ELAVL4: variants seen among roughly 807,000 people sequenced by gnomAD.
The protein encoded by ELAVL4 is ELAV like RNA binding protein 4, also known as ELAV-like protein 4.
Under a neutral mutation model 35.6 loss-of-function variants are expected in ELAVL4, and 1 was observed. That is an observed-to-expected ratio of 0.03 (90% CI 0.01 to 0.13). The LOEUF (loss-of-function observed/expected upper bound fraction) is 0.13. ELAVL4 is among the 10% of genes least tolerant of loss of function. The probability of loss-of-function intolerance (pLI) is 1.00; values close to 1 mark genes in which losing one functional copy is unlikely to be tolerated. For synonymous variants in ELAVL4, 156 were observed against 171.0 expected, an observed-to-expected ratio of 0.91 and a Z score of 0.69; for missense variants, 267 against 464.9, an observed-to-expected ratio of 0.57 and a Z score of 3.91.
intron 1 of ELAVL4, among the ~76,000 whole-genome samples, chr1:50,133,944 C>G (rs1671466181): frequency 6.6e-6 from 1 of 152,176 alleles, no homozygotes; most frequent in Non-Finnish European, 1.5e-5. Context: ...ATTGACCTTA[C>G]ACAATTTCTC....
chr1:50,147,216 G>A lies in ELAVL4; in HGVS notation c.250+2019G>A, dbSNP rs543469014. On this transcript the variant is annotated intron_variant, in intron 2 of 6. Coordinates refer to ENST00000371824, the MANE Select transcript of ELAVL4 (RefSeq NM_001144774.3). ...CAGGCCCAAAAAATTTTTATTTGTAGAGAGCTTATGGGAATGAGGCAGGGA... is the reference window on the plus strand; with the variant it reads ...CAGGCCCAAAAAATTTTTATTTGTAAAGAGCTTATGGGAATGAGGCAGGGA... Among the ~76,000 whole-genome samples the A allele has an allele frequency of 2.0e-4, 31 of 152,248 alleles. 1 individual carries two copies. The South Asian group carries it at 6.4e-3, about 32-fold the overall frequency.
intron 6 of ELAVL4, 57 bp downstream of exon 6, chr1:50,197,524 AT>A (rs575024053): frequency 0.046 from 48,651 of 1,050,276 alleles, 8 homozygotes; most frequent in South Asian, 0.058. Flanking sequence ...TGGGGCTAGA[AT>A]TTTTTTTTTT....
intron 3 of ELAVL4, among the ~76,000 whole-genome samples, chr1:50,189,305 C>G (rs79578413): frequency 0.019 from 2,848 of 152,304 alleles, 94 homozygotes; most frequent in African/African-American, 0.063. Flanking sequence ...TGTGTATGAA[C>G]AGGTAAAGGG....
chr1:50,177,162 T>C lies in ELAVL4; in HGVS notation c.324T>C (p.Asn108=), dbSNP rs764480215. 1 of 1,614,044 alleles carries C rather than the reference T, an allele frequency of 6.2e-7. No homozygotes were observed. Among genetic ancestry groups the C allele is most frequent in the Admixed American group, 1.7e-5 (1 of 60,028 alleles). The change falls in exon 3 of 7, where the codon AAT becomes AAC. Residue 108 remains asparagine, a synonymous_variant. Transcript: ENST00000371824. ...KDAEKAINTL[N]GLRLQTKTIK... is the part of the protein sequence containing the mutation. ...CAGAGAAAGCCATCAACACTTTAAA[T>C]GGACTCAGACTCCAGACCAAAACCA...
chr1:50,133,599 A>AAAGAAAG (rs1460308549), intron 1 of ELAVL4, among the ~76,000 whole-genome samples: 92 of 129,258 alleles, frequency 7.1e-4, no homozygotes, highest in Non-Finnish European at 8.7e-4. Flanking sequence ...AGAAAGAAAG[A>AAAGAAAG]AAAGAAAGAA....
chr1:50,166,627 G>A (rs1677970621), intron 2 of ELAVL4, among the ~76,000 whole-genome samples: 1 of 152,150 alleles, frequency 6.6e-6, no homozygotes, highest in African/African-American at 2.4e-5. Flanking sequence ...CATTCCTGAG[G>A]TGTCTGGGCC....
At chr1:50,116,365 G>T (rs1422323752) in intron 1 of ELAVL4, among the ~76,000 whole-genome samples, 1 of 151,616 alleles carries the variant, frequency 6.6e-6, no homozygotes, top group Non-Finnish European at 1.5e-5. Flanking sequence ...AGAAATCATA[G>T]TTACTTTGTC....
rs867833171 is a variant in ELAVL4 at position 50,202,305 on chromosome 1, C to T, written c.*1127C>T. 6.6e-6 allele frequency: 1 copy of T among 152,048 alleles called. No individual in the cohort carries two copies. The highest frequency in any genetic ancestry group is 1.9e-4 in the East Asian group (1 of 5,200). 9.4% of individuals were successfully genotyped at this position (152,048 alleles called of 1,614,324 possible). On this transcript the variant is annotated 3_prime_UTR_variant, in exon 7 of 7. Transcript: ENST00000371824. ...AACAAAAATTAAAAAGATTAATTTTCCTTTTGATCTAAAACTTCCTTAGTT... is the reference window on the plus strand; with the variant it reads ...AACAAAAATTAAAAAGATTAATTTTTCTTTTGATCTAAAACTTCCTTAGTT...
chr1:50,068,525 AG>A (rs531977901), intron 1 of ELAVL4, among the ~76,000 whole-genome samples: 112 of 152,306 alleles, frequency 7.4e-4, no homozygotes, highest in African/African-American at 2.6e-3. Flanking sequence ...TGAACTCCAC[AG>A]GGGCACAGGA....
chr1:50,067,354 A>G (rs1278651934), intron 1 of ELAVL4, among the ~76,000 whole-genome samples: 4 of 152,206 alleles, frequency 2.6e-5, no homozygotes, highest in Non-Finnish European at 5.9e-5. Context: ...ACAAGTAGGG[A>G]ACCATATCAT....
At chr1:50,073,004 T>C (rs926541659) in intron 1 of ELAVL4, among the ~76,000 whole-genome samples, 15 of 152,154 alleles carry the variant, frequency 9.9e-5, no homozygotes, top group African/African-American at 3.4e-4. Flanking sequence ...CAGTTTCACC[T>C]CAGTTAGTAG....
intron 1 of ELAVL4, among the ~76,000 whole-genome samples, chr1:50,098,103 A>C (rs1665794543): frequency 6.6e-6 from 1 of 152,156 alleles, no homozygotes; most frequent in Non-Finnish European, 1.5e-5. Context: ...AATTTTTTGC[A>C]AGCATTCTTA....
At chr1:50,147,286 T>A (rs1266208291) in intron 2 of ELAVL4, among the ~76,000 whole-genome samples, 1 of 152,238 alleles carries the variant, frequency 6.6e-6, no homozygotes, top group African/African-American at 2.4e-5. Context: ...TTGACAGCAG[T>A]GTTTAATAGA....
intron 2 of ELAVL4, among the ~76,000 whole-genome samples, chr1:50,165,669 T>TATG (rs965527177): frequency 6.7e-6 from 1 of 148,436 alleles, no homozygotes; most frequent in Non-Finnish European, 1.5e-5. Context: ...TATATATGTA[T>TATG]ATGTGTGCAT....
intron 3 of ELAVL4, among the ~76,000 whole-genome samples, chr1:50,189,206 A>T (rs979805169): frequency 6.6e-6 from 1 of 152,144 alleles, no homozygotes; most frequent in Non-Finnish European, 1.5e-5. Flanking sequence ...ATTATGGAGG[A>T]CAGACAAGGA....
intron 1 of ELAVL4, among the ~76,000 whole-genome samples, chr1:50,048,435 G>A (rs1663184358): frequency 6.6e-6 from 1 of 152,128 alleles, no homozygotes; most frequent in Admixed American, 6.5e-5. Flanking sequence ...ACCCCTGCCG[G>A]CCTCCTGAGA....
intron 1 of ELAVL4, among the ~76,000 whole-genome samples, chr1:50,053,013 T>C (rs2148469387): frequency 6.6e-6 from 1 of 152,324 alleles, no homozygotes. Flanking sequence ...TTAAATTTTA[T>C]TAGTATAATA....
upstream of ELAVL4, among the ~76,000 whole-genome samples, chr1:50,099,560 C>CAAAAAAAAAAAAAAA (rs750905424): frequency 5.3e-5 from 3 of 56,268 alleles, no homozygotes; most frequent in Non-Finnish European, 7.9e-5. Context: ...AACTCCGCCT[C>CAAAAAAAAAAAAAAA]AAAAAAAAAA....
chr1:50,053,008 T>C (rs1395700662), intron 1 of ELAVL4, among the ~76,000 whole-genome samples: 1 of 152,208 alleles, frequency 6.6e-6, no homozygotes, highest in Non-Finnish European at 1.5e-5. Flanking sequence ...AATTTTTAAA[T>C]TTTATTAGTA....
Sources: allele counts gnomAD v4.1 joint callset (sites outside exome capture counted in the v4.1 genomes callset), GRCh38; gene constraint gnomAD v4.1.1; transcripts MANE v1.5; gene names NCBI Gene and HGNC (gene_info 2026-07-23, HGNC 2026-07-21).